The following CAPN8 variants were observed in gnomAD, a reference collection of about 807,000 sequenced individuals.
The protein encoded by CAPN8 is calpain 8.
Under a neutral mutation model 80.9 loss-of-function variants are expected in CAPN8, and 87 were observed. The ratio of observed to expected loss-of-function variants is 1.07; its 90% CI spans 0.90 to 1.28. The LOEUF (loss-of-function observed/expected upper bound fraction) is 1.28, where lower values mean the gene tolerates loss of function less well. CAPN8 is among the 50% of genes most tolerant of loss of function. The pLI is 0.00. For synonymous variants in CAPN8, 299 were observed against 273.8 expected (o/e 1.09, Z -0.91); for missense variants, 757 against 702.0 (o/e 1.08, Z -0.89).
intron 2 of CAPN8, among the ~76,000 whole-genome samples, chr1:223,630,836 C>A (rs1226103421): frequency 6.6e-6 from 1 of 152,088 alleles, no homozygotes; most frequent in Non-Finnish European, 1.5e-5. Context: ...ACCAAAGAAG[C>A]CTCAAGCAGG....
intron 2 of CAPN8, among the ~76,000 whole-genome samples, chr1:223,641,611 G>A (rs932767854): frequency 3.9e-5 from 6 of 152,142 alleles, no homozygotes; most frequent in African/African-American, 1.4e-4. Flanking sequence ...AGAGCCCTGC[G>A]TGATCTGGCC....
At chr1:223,662,751 G>C (rs1323690351) in intron 1 of CAPN8, among the ~76,000 whole-genome samples, 1 of 152,200 alleles carries the variant, frequency 6.6e-6, no homozygotes, top group Non-Finnish European at 1.5e-5. Flanking sequence ...TGGATACCCT[G>C]ATCTCTTTGC....
chr1:223,546,691 A>G (rs1171552625), intron 16 of CAPN8, among the ~76,000 whole-genome samples: 1 of 152,208 alleles, frequency 6.6e-6, no homozygotes, highest in African/African-American at 2.4e-5. Context: ...GGAGAAACTG[A>G]AGTTCAGAGC....
chr1:223,644,011 G>T, intron 2 of CAPN8: 1 of 192,808 alleles, frequency 5.2e-6, no homozygotes. Context: ...ATAACATAAG[G>T]GTAATCAAAA....
intron 8 of CAPN8, among the ~76,000 whole-genome samples, chr1:223,619,739 A>G (rs1657325656): frequency 6.6e-6 from 1 of 152,194 alleles, no homozygotes; most frequent in Non-Finnish European, 1.5e-5. Flanking sequence ...ATCTCAACAA[A>G]GCCTCTGCCT....
At chr1:223,661,485 T>C (rs1417235014) in intron 1 of CAPN8, among the ~76,000 whole-genome samples, 1 of 152,014 alleles carries the variant, frequency 6.6e-6, no homozygotes, top group African/African-American at 2.4e-5. Flanking sequence ...TAAAAATTTG[T>C]TGGGCATTGT....
chr1:223,623,573 A>C (rs1322090086), intron 6 of CAPN8, among the ~76,000 whole-genome samples: 2 of 152,174 alleles, frequency 1.3e-5, no homozygotes, highest in Non-Finnish European at 2.9e-5. Context: ...TGGCATTCAC[A>C]TATACACACA....
At chr1:223,611,791 A>T (rs1321730765) in intron 11 of CAPN8, among the ~76,000 whole-genome samples, 2 of 152,242 alleles carry the variant, frequency 1.3e-5, no homozygotes, top group Non-Finnish European at 2.9e-5. Context: ...CCTTGGATCA[A>T]GGCATACACT....
At position 223,622,802 on chromosome 1, in the gene CAPN8, GA is replaced by G. The variant is rs746529632; in HGVS notation, c.899+12del. 3.3e-5 allele frequency: 51 copies of G among 1,549,140 alleles called. No homozygotes were observed. The highest frequency in any genetic ancestry group is 1.2e-4 in the South Asian group (10 of 84,012). On this transcript the variant is annotated intron_variant, in intron 7 of 20. Transcript: ENST00000366872. ...GGGAGAGATGACTGGAGAAGCGGGG[GA>G]AAAAAACCTACTCATCGCTCCAGGC...
intron 7 of CAPN8, among the ~76,000 whole-genome samples, chr1:223,622,145 C>T (rs1352543923): frequency 2.0e-5 from 3 of 152,150 alleles, no homozygotes; most frequent in African/African-American, 4.8e-5. Context: ...CACTAACCTG[C>T]CTCTGCCAGG....
intron 2 of CAPN8, among the ~76,000 whole-genome samples, chr1:223,629,696 C>A (rs1384936318): frequency 1.3e-5 from 2 of 152,234 alleles, no homozygotes; most frequent in African/African-American, 2.4e-5. Context: ...TTATTCCACA[C>A]CAGCTGCTGA....
intron 2 of CAPN8, among the ~76,000 whole-genome samples, chr1:223,635,276 C>T (rs1657885944): frequency 6.6e-6 from 1 of 152,192 alleles, no homozygotes; most frequent in African/African-American, 2.4e-5. Context: ...ACTTGGTGAA[C>T]ACGCCTTTTG....
chr1:223,636,854 T>C (rs1020728144), intron 2 of CAPN8, among the ~76,000 whole-genome samples: 5 of 147,504 alleles, frequency 3.4e-5, no homozygotes, highest in South Asian at 2.3e-4. Context: ...AGTGTAATTG[T>C]ATCAAAGGTT....
Position 223,546,826 on chromosome 1 carries a change from C to T in CAPN8, c.1765-1527G>A, listed in dbSNP as rs114936736. On this transcript the variant is annotated intron_variant, in intron 16 of 20. Coordinates refer to ENST00000366872, the MANE Select transcript of CAPN8 (RefSeq NM_001143962.2). Reference sequence around the variant, plus strand: ...CTTCAATTCCAGATAAAATTGCTTGCAGAGACCACACCTATGGAATCAGGA... The same window carrying T: ...CTTCAATTCCAGATAAAATTGCTTGTAGAGACCACACCTATGGAATCAGGA... 3.1e-3 allele frequency among the ~76,000 whole-genome samples: 479 copies of T among 152,280 alleles called. 5 individuals carry two copies. The highest frequency in any genetic ancestry group is 0.011 in the African/African-American group (453 of 41,560).
chr1:223,555,700 C>G (rs1441552908), intron 13 of CAPN8, among the ~76,000 whole-genome samples: 1 of 152,028 alleles, frequency 6.6e-6, no homozygotes, highest in Non-Finnish European at 1.5e-5. Flanking sequence ...AACAACAAAA[C>G]AGTATATGGA....
chr1:223,611,681 A>C (rs942848273), intron 11 of CAPN8, among the ~76,000 whole-genome samples: 1 of 152,208 alleles, frequency 6.6e-6, no homozygotes, highest in Non-Finnish European at 1.5e-5. Flanking sequence ...TGCATCAGTA[A>C]GAGGTATTTG....
rs570013646 is a variant in CAPN8, at chr1:223,640,689, A to T, written c.308-11909T>A. ...CATTGCTGCCATCGCCTCCACTCCC[A>T]GTAAGACTATAAAGGACCCTCTTTC... On this transcript the variant is annotated intron_variant, in intron 2 of 20. Coordinates refer to ENST00000366872, the MANE Select transcript of CAPN8 (RefSeq NM_001143962.2). Among the ~76,000 whole-genome samples the T allele has an allele frequency of 1.2e-4, 19 of 152,206 alleles. No individual in the cohort carries two copies. The East Asian group carries it at 3.5e-3, about 28-fold the overall frequency.
intron 2 of CAPN8, among the ~76,000 whole-genome samples, chr1:223,636,976 T>C (rs1317339782): frequency 6.6e-6 from 1 of 152,192 alleles, no homozygotes; most frequent in African/African-American, 2.4e-5. Flanking sequence ...AAATCAAATT[T>C]TGGCATTCAA....
At chr1:223,556,675 T>C (rs1656912744) in intron 13 of CAPN8, among the ~76,000 whole-genome samples, 5 of 152,162 alleles carry the variant, frequency 3.3e-5, no homozygotes, top group Non-Finnish European at 7.4e-5. Context: ...GCCCCAGTAG[T>C]GACTAGGATT....
Sources: allele counts gnomAD v4.1 joint callset (sites outside exome capture counted in the v4.1 genomes callset), GRCh38; gene constraint gnomAD v4.1.1; transcripts MANE v1.5; gene names NCBI Gene and HGNC (gene_info 2026-07-23, HGNC 2026-07-21).